The following CAST variants were observed in gnomAD, a reference collection of about 807,000 sequenced individuals.
CAST encodes the protein calpastatin, also known as MIR583 host.
A neutral mutation model predicts 119.6 loss-of-function variants in CAST; 76 were observed. That is an observed-to-expected ratio of 0.64 (90% CI 0.53 to 0.77). CAST has a LOEUF of 0.77. Ranked by LOEUF, CAST falls within the 30% of genes least tolerant of loss-of-function variation. The pLI is 0.00. For missense variants in CAST, 953 were observed against 946.5 expected (o/e 1.01, Z -0.09); for synonymous variants, 319 against 331.6 (o/e 0.96, Z 0.41).
chr5:96,007,994 G>A, the CAST span, among the ~76,000 whole-genome samples: 1 of 149,956 alleles, frequency 6.7e-6, no homozygotes, highest in Non-Finnish European at 1.5e-5. Context: ...CTGAAGAAAG[G>A]CCATGTGAGA....
the CAST span, among the ~76,000 whole-genome samples, chr5:96,255,627 A>G: frequency 0.29 from 43,805 of 151,974 alleles, 7,196 homozygotes; most frequent in Admixed American, 0.42. Context: ...TGATGACCAC[A>G]GTTGTTTTTA....
At chr5:96,614,673 C>G (rs987261441) in intron 1 of CAST, among the ~76,000 whole-genome samples, 2 of 152,136 alleles carry the variant, frequency 1.3e-5, no homozygotes, top group Non-Finnish European at 2.9e-5. Context: ...AGGGACCCAC[C>G]TCCATCCAAA....
chr5:96,526,747 G>A (rs1457970949), upstream of CAST, among the ~76,000 whole-genome samples: 2 of 152,194 alleles, frequency 1.3e-5, no homozygotes, highest in East Asian at 3.9e-4. Context: ...CTTAACACTT[G>A]TAAGCCAAAG....
At chr5:96,350,960 T>G in the CAST span, among the ~76,000 whole-genome samples, 1 of 152,166 alleles carries the variant, frequency 6.6e-6, no homozygotes, top group Non-Finnish European at 1.5e-5. Context: ...TTGGTAACCA[T>G]GTCATGCATT....
At chr5:96,460,788 T>G in the CAST span, among the ~76,000 whole-genome samples, 2 of 152,158 alleles carry the variant, frequency 1.3e-5, no homozygotes, top group Non-Finnish European at 2.9e-5. Flanking sequence ...GACAGAAATA[T>G]GTGAACATAT....
the CAST span, among the ~76,000 whole-genome samples, chr5:96,051,735 G>A: frequency 6.6e-6 from 1 of 152,150 alleles, no homozygotes; most frequent in Non-Finnish European, 1.5e-5. Flanking sequence ...TTATAAAAAT[G>A]TCAGGAAGAG....
At chr5:96,711,795 T>A (rs2150359952) in intron 3 of CAST, among the ~76,000 whole-genome samples, 1 of 152,366 alleles carries the variant, frequency 6.6e-6, no homozygotes, top group South Asian at 2.1e-4. Context: ...TCTTTTGTTA[T>A]ATGCAGTATC....
At chr5:95,979,518 A>AT in the CAST span, among the ~76,000 whole-genome samples, 2 of 151,140 alleles carry the variant, frequency 1.3e-5, no homozygotes, top group African/African-American at 4.8e-5. Context: ...TCTGAATATA[A>AT]TTTTTTTAGT....
At chr5:96,427,790 CA>C in the CAST span, among the ~76,000 whole-genome samples, 5 of 152,166 alleles carry the variant, frequency 3.3e-5, no homozygotes, top group East Asian at 9.6e-4. Context: ...TGCATTTAGG[CA>C]AAGAAGGAAA....
At chr5:96,206,692 C>T in the CAST span, among the ~76,000 whole-genome samples, 1 of 151,920 alleles carries the variant, frequency 6.6e-6, no homozygotes, top group African/African-American at 2.4e-5. Flanking sequence ...TGTCATGCTG[C>T]TTTAATTACT....
the CAST span, among the ~76,000 whole-genome samples, chr5:96,406,132 T>C: frequency 6.6e-6 from 1 of 152,136 alleles, no homozygotes; most frequent in Non-Finnish European, 1.5e-5. Flanking sequence ...TCTGAGAATC[T>C]TAGGAAGAGA....
At chr5:96,541,495 A>G (rs1745912127) in intron 1 of CAST, among the ~76,000 whole-genome samples, 2 of 152,276 alleles carry the variant, frequency 1.3e-5, no homozygotes, top group South Asian at 2.1e-4. Flanking sequence ...TGCATACATG[A>G]AGGTTTGTTC....
chr5:96,297,154 T>A, the CAST span, among the ~76,000 whole-genome samples: 1 of 152,232 alleles, frequency 6.6e-6, no homozygotes, highest in African/African-American at 2.4e-5. Context: ...TCCAGTAGGT[T>A]ATTTTGTCAC....
At chr5:96,770,744 G>C in intron 30 of CAST, 142 bp downstream of exon 30, 1 of 582,404 alleles carries the variant, frequency 1.7e-6, no homozygotes, top group Non-Finnish European at 3.1e-6. Flanking sequence ...GCATCGCTTG[G>C]TAAAGTAATT....
At chr5:96,220,794 T>C in the CAST span, among the ~76,000 whole-genome samples, 3 of 152,224 alleles carry the variant, frequency 2.0e-5, no homozygotes, top group African/African-American at 7.2e-5. Context: ...CATCCTTTTT[T>C]TCTGAGAGTC....
the CAST span, among the ~76,000 whole-genome samples, chr5:96,493,709 A>G: frequency 6.6e-6 from 1 of 152,204 alleles, no homozygotes; most frequent in Non-Finnish European, 1.5e-5. Context: ...GCATCAAAAT[A>G]TAAAACATGC....
chr5:96,660,045 CTT>C (rs1240382169), upstream of CAST, among the ~76,000 whole-genome samples: 1 of 152,200 alleles, frequency 6.6e-6, no homozygotes, highest in Non-Finnish European at 1.5e-5. Flanking sequence ...GTTATTACCT[CTT>C]ATAGATTTTG....
the CAST span, among the ~76,000 whole-genome samples, chr5:96,221,154 T>G: frequency 6.6e-6 from 1 of 152,114 alleles, no homozygotes; most frequent in Non-Finnish European, 1.5e-5. Context: ...GTTACCTTAT[T>G]TGGAAATAAG....
At chr5:96,405,606 G>A in the CAST span, among the ~76,000 whole-genome samples, 2 of 152,294 alleles carry the variant, frequency 1.3e-5, no homozygotes, top group Admixed American at 6.5e-5. Flanking sequence ...GAGGGGTTGA[G>A]GTTGCAGTGA....
Sources: gnomAD v4.1 joint callset for allele counts (sites outside exome capture counted in the v4.1 genomes callset) on GRCh38, gnomAD v4.1.1 for gene constraint, MANE v1.5 for transcripts, NCBI Gene and HGNC (gene_info 2026-07-23, HGNC 2026-07-21) for gene names.